The following TET3 variants were observed in gnomAD, a reference collection of about 807,000 sequenced individuals.
The protein encoded by TET3 is methylcytosine dioxygenase TET3.
Under a neutral mutation model 141.4 loss-of-function variants are expected in TET3, and 19 were observed. The ratio of observed to expected loss-of-function variants is 0.13; its 90% confidence interval spans 0.09 to 0.20. The LOEUF is 0.20. Among genes scored for constraint, TET3 ranks in the 10% least tolerant of loss-of-function variants. The pLI is 1.00. For missense variants in TET3, 1,874 were observed against 2,356.9 expected (o/e 0.80, Z 4.24); for synonymous variants, 1,043 against 980.9 (o/e 1.06, Z -1.18).
At chr2:74,037,739 C>A (rs1407956367) in intron 3 of TET3, among the ~76,000 whole-genome samples, 2 of 152,342 alleles carry the variant, frequency 1.3e-5, no homozygotes, top group East Asian at 3.8e-4. Context: ...CTCTGTTCCT[C>A]TTGTAACTTC....
chr2:74,126,161 A>G, the TET3 span, among the ~76,000 whole-genome samples: 1 of 150,370 alleles, frequency 6.7e-6, no homozygotes, highest in African/African-American at 2.4e-5. Flanking sequence ...CATAGAGCCA[A>G]TTGAAATCTG....
At chr2:74,088,515 C>T (rs1690282838) in intron 7 of TET3, among the ~76,000 whole-genome samples, 1 of 152,054 alleles carries the variant, frequency 6.6e-6, no homozygotes, top group African/African-American at 2.4e-5. Context: ...GTGGCACACA[C>T]CTGTAGTCCC....
chr2:74,061,003 A>G (rs1248433001), intron 4 of TET3, among the ~76,000 whole-genome samples: 1 of 152,038 alleles, frequency 6.6e-6, no homozygotes. Flanking sequence ...CACTGTCATC[A>G]TGGCCCGTTC....
chr2:74,000,822 G>A (rs1189413246), intron 2 of TET3, among the ~76,000 whole-genome samples: 2 of 152,178 alleles, frequency 1.3e-5, no homozygotes, highest in Non-Finnish European at 2.9e-5. Context: ...TGTATGGGGA[G>A]TAAGTCAAAT....
At chr2:74,117,275 C>T in the TET3 span, among the ~76,000 whole-genome samples, 1 of 152,046 alleles carries the variant, frequency 6.6e-6, no homozygotes, top group Non-Finnish European at 1.5e-5. Context: ...TGGGGTTTCA[C>T]CATTTTAGCC....
the TET3 span, among the ~76,000 whole-genome samples, chr2:74,125,076 A>G: frequency 6.7e-6 from 1 of 149,976 alleles, no homozygotes; most frequent in African/African-American, 2.5e-5. Context: ...GTGCAATCTC[A>G]GCTCACTGCA....
intron 2 of TET3, among the ~76,000 whole-genome samples, chr2:73,996,097 T>TATC (rs1326324664): frequency 6.6e-6 from 1 of 152,164 alleles, no homozygotes; most frequent in African/African-American, 2.4e-5. Flanking sequence ...GCTCCAACCT[T>TATC]ATCTCCTGGG....
rs113584570 is a variant in TET3 at position 74,047,066 on chromosome 2, C to A, written c.1149C>A (p.Pro383=). 2 of 1,613,890 alleles carry A rather than the reference C, an allele frequency of 1.2e-6. No homozygotes were observed. The highest frequency in any genetic ancestry group is 2.2e-5 in the East Asian group (1 of 44,882). ...ATTCCACCCCCCAGGCTTCTTGCCC[C>A]CTTCCTGAGGCCTTGTCACCTCCTG... ...PSHSTPQASC[P]LPEALSPPAP... is the part of the protein sequence containing the mutation. The change falls in exon 4 of 12, where the codon CCC becomes CCA. Residue 383 remains proline (P), a synonymous_variant. Transcript: ENST00000409262.
chr2:74,017,923 G>A (rs1261809262), intron 3 of TET3, among the ~76,000 whole-genome samples: 1 of 148,536 alleles, frequency 6.7e-6, no homozygotes, highest in African/African-American at 2.5e-5. Flanking sequence ...TTTCTTAACA[G>A]CCTTTTTAAC....
chr2:73,997,105 C>T (rs1302778916), intron 2 of TET3, among the ~76,000 whole-genome samples: 1 of 152,232 alleles, frequency 6.6e-6, no homozygotes, highest in African/African-American at 2.4e-5. Context: ...TCCAGATTCT[C>T]AGAATGGATG....
the TET3 span, among the ~76,000 whole-genome samples, chr2:74,124,788 G>A: frequency 4.2e-3 from 643 of 151,318 alleles, 7 homozygotes; most frequent in African/African-American, 0.015. Context: ...CAAACACTGC[G>A]GAAGGCCGCA....
chr2:74,135,085 A>AG, the TET3 span: 17 of 212,000 alleles, frequency 8.0e-5, no homozygotes, highest in Non-Finnish European at 1.5e-4. Flanking sequence ...ACACAGGAAA[A>AG]GAACCCGGAT....
At chr2:74,026,589 T>C (rs190504710) in intron 3 of TET3, among the ~76,000 whole-genome samples, 4 of 152,230 alleles carry the variant, frequency 2.6e-5, no homozygotes, top group Admixed American at 2.6e-4. Context: ...CCTTGTATAA[T>C]AGATATTAAA....
Position 74,047,042 on chromosome 2 carries a change from T to C in TET3, c.1125T>C (p.His375=). ...CCTCTGCCCTCCCGCAGCCTTCTCA[T>C]TCCACCCCCCAGGCTTCTTGCCCCC... ...QLSSALPQPS[H]STPQASCPLP... is the part of the protein sequence containing the mutation. The change falls in exon 4 of 12, where the codon CAT becomes CAC. Residue 375 remains histidine (H), a synonymous_variant. Transcript: ENST00000409262. The C allele has an allele frequency of 6.2e-7, 1 of 1,613,924 alleles. No individual in the cohort carries two copies. The highest frequency in any genetic ancestry group is 8.5e-7 in the Non-Finnish European group (1 of 1,179,860).
chr2:74,043,557 G>A (rs1175924449), intron 3 of TET3, among the ~76,000 whole-genome samples: 2 of 152,204 alleles, frequency 1.3e-5, no homozygotes, highest in Non-Finnish European at 2.9e-5. Context: ...GTAGTAGGTA[G>A]GGGAAGAGGT....
chr2:74,028,803 C>A (rs1686517638), intron 3 of TET3, among the ~76,000 whole-genome samples: 1 of 152,170 alleles, frequency 6.6e-6, no homozygotes, highest in South Asian at 2.1e-4. Flanking sequence ...GAAAAATGAT[C>A]ATGTGCTTAG....
chr2:74,100,679 C>A lies in TET3; in HGVS notation c.3891C>A (p.Pro1297=), dbSNP rs373801869. 6.2e-7 allele frequency: 1 copy of A among 1,614,046 alleles called. No individual in the cohort carries two copies. Among genetic ancestry groups the A allele is most frequent in the East Asian group, 2.2e-5 (1 of 44,874 alleles). ...TTCCATCCAGCAACCCCGTCTTCCC[C>A]TCTCAGTTCCTGGGTCCTGGTGCCT... is the stretch of plus-strand genomic sequence containing the variant. ...YGFPSSNPVF[P]SQFLGPGAWG... The change falls in exon 12 of 12, where the codon CCC becomes CCA. Residue 1297 remains proline, a synonymous_variant. Transcript: ENST00000409262.
chr2:74,071,100 G>A (rs1435366918), intron 4 of TET3, among the ~76,000 whole-genome samples: 1 of 152,168 alleles, frequency 6.6e-6, no homozygotes, highest in Non-Finnish European at 1.5e-5. Flanking sequence ...CCCTCTCTTA[G>A]CTTGTAGACA....
At chr2:74,069,984 CTTTTT>C (rs1689116501) in intron 4 of TET3, among the ~76,000 whole-genome samples, 2 of 152,120 alleles carry the variant, frequency 1.3e-5, no homozygotes, top group Non-Finnish European at 2.9e-5. Context: ...CCTTGCTTTT[CTTTTT>C]ATTAAGTTGA....
Sources: allele counts gnomAD v4.1 joint callset (sites outside exome capture counted in the v4.1 genomes callset), GRCh38; gene constraint gnomAD v4.1.1; transcripts MANE v1.5; gene names NCBI Gene and HGNC (gene_info 2026-07-23, HGNC 2026-07-21).